The following WWC2 variants were observed in gnomAD, a reference collection of about 807,000 sequenced individuals.
WWC2 encodes the protein WW and C2 domain containing 2, also known as protein WWC2.
In WWC2, 101 loss-of-function variants were observed where a neutral mutation model predicts 138.5. That is an observed-to-expected ratio of 0.73 (90% CI 0.62 to 0.86). The LOEUF (loss-of-function observed/expected upper bound fraction) is 0.86. Ranked by LOEUF, WWC2 falls within the 40% of genes least tolerant of loss-of-function variation. The probability of loss-of-function intolerance (pLI) is 0.00; values close to 1 mark genes in which losing one functional copy is unlikely to be tolerated. For missense variants in WWC2, 1,420 were observed against 1,419.4 expected, an observed-to-expected ratio of 1.00 and a Z score of -0.01; for synonymous variants, 558 against 538.4, an observed-to-expected ratio of 1.04 and a Z score of -0.50.
At chr4:183,215,277 A>C (rs1158251353) in intron 4 of WWC2, among the ~76,000 whole-genome samples, 1 of 152,256 alleles carries the variant, frequency 6.6e-6, no homozygotes, top group Non-Finnish European at 1.5e-5. Flanking sequence ...TTATTGTATC[A>C]TAGTCATCTA....
At chr4:183,288,372 G>A (rs879708720) in intron 20 of WWC2, among the ~76,000 whole-genome samples, 2 of 152,176 alleles carry the variant, frequency 1.3e-5, no homozygotes, top group Admixed American at 1.3e-4. Flanking sequence ...AATAGTAACA[G>A]TTCTTATTAG....
intron 16 of WWC2, among the ~76,000 whole-genome samples, chr4:183,276,675 CG>C (rs921863493): frequency 1.3e-5 from 2 of 152,054 alleles, no homozygotes; most frequent in African/African-American, 4.8e-5. Flanking sequence ...GATTTCCTCA[CG>C]TTTTTACCCT....
intron 4 of WWC2, among the ~76,000 whole-genome samples, chr4:183,218,310 A>T (rs544008625): frequency 6.6e-6 from 1 of 152,184 alleles, no homozygotes; most frequent in African/African-American, 2.4e-5. Flanking sequence ...AATTACAAGG[A>T]GATATCACTT....
At chr4:183,173,238 G>A (rs1346639765) in intron 1 of WWC2, among the ~76,000 whole-genome samples, 1 of 152,058 alleles carries the variant, frequency 6.6e-6, no homozygotes, top group African/African-American at 2.4e-5. Flanking sequence ...TTTTTGTAGA[G>A]GTGGGGTCTT....
At chr4:183,206,064 G>T (rs1383773662) in intron 2 of WWC2, among the ~76,000 whole-genome samples, 1 of 151,998 alleles carries the variant, frequency 6.6e-6, no homozygotes, top group Non-Finnish European at 1.5e-5. Context: ...ATTCAGCAGT[G>T]CCTCCTTTCT....
chr4:183,310,464 C>A (rs1739173451), intron 21 of WWC2, among the ~76,000 whole-genome samples: 1 of 151,970 alleles, frequency 6.6e-6, no homozygotes, highest in African/African-American at 2.4e-5. Flanking sequence ...AATTTCTGTT[C>A]TTTGCTGTTG....
intron 1 of WWC2, among the ~76,000 whole-genome samples, chr4:183,140,782 T>C (rs376781162): frequency 3.9e-5 from 6 of 152,202 alleles, no homozygotes; most frequent in Non-Finnish European, 1.5e-5. Context: ...ACTAATTTTA[T>C]AGTTTTTATA....
At chr4:183,210,842 A>G (rs998434271) in intron 4 of WWC2, among the ~76,000 whole-genome samples, 2 of 152,192 alleles carry the variant, frequency 1.3e-5, no homozygotes, top group East Asian at 1.9e-4. Context: ...ATTTGTGTCT[A>G]AACTTATCCA....
chr4:183,185,389 A>G (rs996240637), intron 1 of WWC2, among the ~76,000 whole-genome samples: 2 of 152,196 alleles, frequency 1.3e-5, no homozygotes, highest in Non-Finnish European at 2.9e-5. Context: ...ATAACCTCCT[A>G]TTTAAGAAAG....
rs149467979 is a variant in WWC2, at chr4:183,265,045, G to C, written c.1977G>C (p.Ser659=). The C allele has an allele frequency of 6.2e-7, 1 of 1,613,616 alleles. No homozygotes were observed. The highest frequency in any genetic ancestry group is 1.3e-5 in the African/African-American group (1 of 75,014). The part of the protein sequence containing the change: ...HLLGEKTTCV[S]AAVSDESVAG... Reference sequence around the variant, plus strand: ...TTGGGGAGAAAACCACTTGTGTGTCGGCTGCTGTGTCTGATGAGTCTGTGG... The same window carrying C: ...TTGGGGAGAAAACCACTTGTGTGTCCGCTGCTGTGTCTGATGAGTCTGTGG... Residue 659 remains serine (S), a synonymous_variant, in exon 12 of 23, where the codon TCG becomes TCC. Transcript: ENST00000403733.
chr4:183,115,733 G>A (rs768946721), intron 1 of WWC2, among the ~76,000 whole-genome samples: 1 of 152,074 alleles, frequency 6.6e-6, no homozygotes, highest in Non-Finnish European at 1.5e-5. Context: ...GTTCCTTATA[G>A]ATTCTGGATT....
intron 21 of WWC2, among the ~76,000 whole-genome samples, chr4:183,309,358 A>G (rs761040040): frequency 2.6e-5 from 4 of 152,256 alleles, no homozygotes; most frequent in South Asian, 2.1e-4. Flanking sequence ...ACTGTTATCT[A>G]AGTTACAAAA....
At chr4:183,159,906 G>GA (rs1389712854) in intron 1 of WWC2, among the ~76,000 whole-genome samples, 1 of 151,932 alleles carries the variant, frequency 6.6e-6, no homozygotes, top group Non-Finnish European at 1.5e-5. Flanking sequence ...AATAAGAATT[G>GA]AAAATCTTTA....
chr4:183,234,109 CCTT>C lies in WWC2; in HGVS notation c.523-6070_523-6068del, dbSNP rs1342665726. Among the ~76,000 whole-genome samples the C allele has an allele frequency of 9.2e-5, 14 of 152,250 alleles. No individual in the cohort carries two copies. In the East Asian group the frequency reaches 1.9e-3, roughly 21 times the overall value. On this transcript the variant is annotated intron_variant, in intron 4 of 22. Coordinates refer to ENST00000403733, the MANE Select transcript of WWC2 (RefSeq NM_024949.6). ...TTTCCTTCATTGTCATCTTCTTTCCCCTTCTTTTAAAATAAAACCTATGACACT... is the reference window on the plus strand; with the variant it reads ...TTTCCTTCATTGTCATCTTCTTTCCCCTTTTAAAATAAAACCTATGACACT...
intron 4 of WWC2, among the ~76,000 whole-genome samples, chr4:183,211,847 A>G (rs1040584672): frequency 3.4e-5 from 5 of 145,628 alleles, no homozygotes; most frequent in South Asian, 2.2e-4. Context: ...TTTTTGGCGG[A>G]GTCTTGCTCT....
At chr4:183,111,686 ACTTT>A (rs907624143) in intron 1 of WWC2, among the ~76,000 whole-genome samples, 4 of 147,914 alleles carry the variant, frequency 2.7e-5, no homozygotes, top group Non-Finnish European at 6.0e-5. Context: ...CAGATCATTT[ACTTT>A]CTGTTTTGTT....
chr4:183,282,527 C>T (rs1222210128), intron 17 of WWC2, 181 bp from the exon 18 acceptor site: 1 of 623,090 alleles, frequency 1.6e-6, no homozygotes, highest in Non-Finnish European at 2.8e-6. Context: ...CTGCAGGTTA[C>T]TAGAGGGTGA....
Position 183,150,784 on chromosome 4 carries a change from G to A in WWC2, c.132-42815G>A, listed in dbSNP as rs535468007. ...TATGAGTGAGAACATGCAGTGTTTG[G>A]TTTTCTGTCCTTGCGAAAACCAAAC... On this transcript the variant is annotated intron_variant, in intron 1 of 22. Transcript: ENST00000403733. Among the ~76,000 whole-genome samples, 7 of 152,158 alleles carry A rather than the reference G, an allele frequency of 4.6e-5. No individual in the cohort carries two copies. In the South Asian group the frequency reaches 8.3e-4, roughly 18 times the overall value.
chr4:183,166,408 A>G (rs1234344724), intron 1 of WWC2, among the ~76,000 whole-genome samples: 3 of 152,218 alleles, frequency 2.0e-5, no homozygotes, highest in Non-Finnish European at 2.9e-5. Context: ...AGAACTGGCT[A>G]TCCCTTGGCT....
Sources: gnomAD v4.1 joint callset for allele counts (sites outside exome capture counted in the v4.1 genomes callset) on GRCh38, gnomAD v4.1.1 for gene constraint, MANE v1.5 for transcripts, NCBI Gene and HGNC (gene_info 2026-07-23, HGNC 2026-07-21) for gene names.